Variants in ALDH3B1 observed in about 807,000 individuals in gnomAD.
ALDH3B1 encodes aldehyde dehydrogenase 3 family member B1.
In ALDH3B1, 37 loss-of-function variants were observed where a neutral mutation model predicts 46.2. The ratio of observed to expected loss-of-function variants is 0.80; its 90% confidence interval spans 0.62 to 1.05. The LOEUF (loss-of-function observed/expected upper bound fraction) is 1.05, where lower values mean the gene tolerates loss of function less well. ALDH3B1 is among the 50% of genes least tolerant of loss of function. The pLI is 0.00. For synonymous variants in ALDH3B1, 283 were observed against 281.0 expected, an observed-to-expected ratio of 1.01 and a Z score of -0.07; for missense variants, 603 against 665.5, an observed-to-expected ratio of 0.91 and a Z score of 1.03.
intron 2 of ALDH3B1, 108 bp downstream of exon 2, chr11:68,015,567 A>G: frequency 6.9e-7 from 1 of 1,443,466 alleles, no homozygotes; most frequent in Non-Finnish European, 9.5e-7. Flanking sequence ...AAGCGGGGCT[A>G]AAAGCAGCTC....
intron 4 of ALDH3B1, 107 bp downstream of exon 4, chr11:68,019,000 G>T: frequency 6.1e-6 from 9 of 1,480,530 alleles, no homozygotes; most frequent in Non-Finnish European, 7.2e-6. Flanking sequence ...TGGCAAAGAG[G>T]ACTGTCTGGT....
At chr11:68,011,819 C>T (rs907967756) in intron 1 of ALDH3B1, among the ~76,000 whole-genome samples, 19 of 152,214 alleles carry the variant, frequency 1.2e-4, no homozygotes, top group African/African-American at 3.9e-4. Context: ...TCCCTGAGCC[C>T]TCCTCTGGTA....
At chr11:68,024,173 A>G (rs1024034812) in intron 8 of ALDH3B1, 5 of 152,146 alleles carry the variant, frequency 3.3e-5, no homozygotes, top group African/African-American at 4.8e-5. Context: ...CATCTGGTGT[A>G]TTTCTCATGA....
intron 9 of ALDH3B1, among the ~76,000 whole-genome samples, chr11:68,027,461 T>C (rs757286812): frequency 1.3e-5 from 2 of 152,162 alleles, no homozygotes; most frequent in Non-Finnish European, 2.9e-5. Context: ...CAAGGTGACA[T>C]GGATTGTTTG....
chr11:68,025,789 G>A (rs1455926725), intron 8 of ALDH3B1, among the ~76,000 whole-genome samples: 13 of 152,170 alleles, frequency 8.5e-5, no homozygotes, highest in Admixed American at 7.9e-4. Context: ...CACATGAGCA[G>A]ATGTCCAGGA....
At position 68,028,322 on chromosome 11, in the gene ALDH3B1, G is replaced by T. The variant is rs1184297773; in HGVS notation, c.*383G>T. ...CACACCATGGAATCACTGCATCCAA[G>T]GCCATTCCTGCCCTCTCTGAGTCTC... On this transcript the variant is annotated 3_prime_UTR_variant, in exon 10 of 10. Coordinates refer to ENST00000342456, the MANE Select transcript of ALDH3B1 (RefSeq NM_000694.4). 2.6e-6 allele frequency: 1 copy of T among 389,366 alleles called. No individual in the cohort carries two copies. The highest frequency in any genetic ancestry group is 2.1e-5 in the African/African-American group (1 of 48,176). 24.1% of individuals were successfully genotyped at this position (389,366 alleles called of 1,614,324 possible).
chr11:68,015,186 G>T (rs1047321784), intron 1 of ALDH3B1, 111 bp from the exon 2 acceptor site: 56 of 1,194,658 alleles, frequency 4.7e-5, no homozygotes, highest in Non-Finnish European at 5.9e-5. Flanking sequence ...GTGTCTGCAA[G>T]CCCCTGTGGG....
intron 6 of ALDH3B1, 41 bp downstream of exon 6, chr11:68,019,837 A>T: frequency 6.2e-7 from 1 of 1,601,368 alleles, no homozygotes; most frequent in Non-Finnish European, 8.5e-7. Flanking sequence ...GGGGTCGGGG[A>T]GGACAGCTGC....
At chr11:68,019,582 C>A in intron 5 of ALDH3B1, 133 bp from the exon 6 acceptor site, 1 of 990,682 alleles carries the variant, frequency 1.0e-6, no homozygotes, top group Non-Finnish European at 1.5e-6. Context: ...TGCCTCCACC[C>A]AACCCTCCTA....
intron 8 of ALDH3B1, chr11:68,024,569 G>A (rs1480021543): frequency 6.6e-6 from 1 of 151,802 alleles, no homozygotes; most frequent in Admixed American, 6.6e-5. Flanking sequence ...TGTGAGTTTT[G>A]TACTTTTGTG....
intron 6 of ALDH3B1, among the ~76,000 whole-genome samples, chr11:68,020,689 G>A (rs1273223093): frequency 6.6e-6 from 1 of 152,228 alleles, no homozygotes; most frequent in Non-Finnish European, 1.5e-5. Context: ...GCCCTGGAAG[G>A]AACCACAGAG....
rs756480836 is a variant in ALDH3B1 at position 68,021,510 on chromosome 11, T to C, written c.588T>C (p.Val196=). ...GGAGCCCTCGTGTGGGCAAGATTGT[T>C]ATGACTGCTGCCGCCAAGCACCTGA... The part of the protein sequence containing the change: ...FTGSPRVGKI[V]MTAAAKHLTP... The change falls in exon 7 of 10, where the codon GTT becomes GTC. Residue 196 remains valine, a synonymous_variant. Transcript: ENST00000342456. 1 of 1,613,408 alleles carries C rather than the reference T, an allele frequency of 6.2e-7. No individual in the cohort carries two copies. Among genetic ancestry groups the C allele is most frequent in the Non-Finnish European group, 8.5e-7 (1 of 1,179,696 alleles).
chr11:68,014,752 G>T (rs539715172), intron 1 of ALDH3B1, among the ~76,000 whole-genome samples: 2 of 152,328 alleles, frequency 1.3e-5, no homozygotes, highest in African/African-American at 4.8e-5. Context: ...CCAGGCTGGG[G>T]ACAGAGGAAG....
At position 68,021,606 on chromosome 11, in the gene ALDH3B1, G is replaced by A; in HGVS notation, c.684G>A (p.Val228=). 7 of 1,614,080 alleles carry A rather than the reference G, an allele frequency of 4.3e-6. No homozygotes were observed. Among genetic ancestry groups the A allele is most frequent in the Non-Finnish European group, 5.9e-6 (7 of 1,179,992 alleles). ...YVDDNCDPQT[V]ANRVAWFRYF... Reference sequence around the variant, plus strand: ...ACGACAACTGCGACCCCCAGACCGTGGCCAACCGCGTGGCCTGGTTCCGCT... The same window carrying A: ...ACGACAACTGCGACCCCCAGACCGTAGCCAACCGCGTGGCCTGGTTCCGCT... The change falls in exon 7 of 10, where the codon GTG becomes GTA. Residue 228 remains valine (V), a synonymous_variant. Transcript: ENST00000342456.
At chr11:68,023,914 G>A (rs1014838665) in intron 8 of ALDH3B1, among the ~76,000 whole-genome samples, 10 of 151,066 alleles carry the variant, frequency 6.6e-5, no homozygotes, top group South Asian at 4.2e-4. Context: ...GCATAGTGGC[G>A]CACACCTGTA....
intron 8 of ALDH3B1, among the ~76,000 whole-genome samples, 156 bp from the exon 9 acceptor site, chr11:68,025,853 C>G (rs1301955869): frequency 6.6e-6 from 1 of 152,212 alleles, no homozygotes; most frequent in African/African-American, 2.4e-5. Flanking sequence ...CCCCCTGCCC[C>G]ACCTGTACCA....
intron 6 of ALDH3B1, among the ~76,000 whole-genome samples, chr11:68,021,107 A>G (rs945117174): frequency 5.3e-5 from 8 of 152,184 alleles, no homozygotes; most frequent in African/African-American, 1.9e-4. Context: ...TTGGGTGATA[A>G]GGGATCCCCG....
chr11:68,022,530 C>T (rs1857524167), intron 7 of ALDH3B1, 65 bp from the exon 8 acceptor site: 1 of 1,434,788 alleles, frequency 7.0e-7, no homozygotes, highest in Non-Finnish European at 9.1e-7. Flanking sequence ...GTCCCCACCT[C>T]TACCCCCACC....
chr11:68,010,636 G>A (rs1455744255), intron 1 of ALDH3B1, among the ~76,000 whole-genome samples: 1 of 152,176 alleles, frequency 6.6e-6, no homozygotes, highest in African/African-American at 2.4e-5. Context: ...GCACCCTTCC[G>A]TTGTCCGAGC....
Sources: allele counts gnomAD v4.1 joint callset (sites outside exome capture counted in the v4.1 genomes callset), GRCh38; gene constraint gnomAD v4.1.1; transcripts MANE v1.5; gene names NCBI Gene and HGNC (gene_info 2026-07-23, HGNC 2026-07-21).